SASH1: variants seen among roughly 807,000 people sequenced by gnomAD.
SASH1 encodes the protein SAM and SH3 domain-containing protein 1.
SASH1 carries 44 observed loss-of-function variants against 125.2 expected under a neutral mutation model. The observed-to-expected ratio is 0.35, with a 90% CI of 0.28 to 0.45. The LOEUF (loss-of-function observed/expected upper bound fraction) is 0.45, where lower values mean the gene tolerates loss of function less well. Among genes scored for constraint, SASH1 ranks in the 20% least tolerant of loss-of-function variants. The probability of loss-of-function intolerance (pLI) is 1.00; values close to 1 mark genes in which losing one functional copy is unlikely to be tolerated. For missense variants in SASH1, 1,426 were observed against 1,614.5 expected, an observed-to-expected ratio of 0.88 and a Z score of 2.00; for synonymous variants, 639 against 649.1, an observed-to-expected ratio of 0.98 and a Z score of 0.24.
the SASH1 span, among the ~76,000 whole-genome samples, chr6:148,265,783 C>G: frequency 6.6e-6 from 1 of 152,102 alleles, no homozygotes; most frequent in African/African-American, 2.4e-5. Context: ...GGAACTACTG[C>G]TGTCTCTGGA....
At chr6:148,521,354 G>A (rs976849891) in intron 10 of SASH1, among the ~76,000 whole-genome samples, 11 of 152,198 alleles carry the variant, frequency 7.2e-5, no homozygotes, top group Admixed American at 3.3e-4. Context: ...GGGCCTTCCC[G>A]TTCATGAACA....
At position 148,527,473 on chromosome 6, in the gene SASH1, G is replaced by A. The variant is rs756391544; in HGVS notation, c.1305G>A (p.Val435=). The part of the protein sequence containing the change: ...SDPMGKEGDF[V]YKEVIKSPTA... ...TACAGGGTAAAGAAGGAGACTTTGT[G>A]TACAAAGAAGTCATCAAATCACCTA... The change falls in exon 12 of 20, where the codon GTG becomes GTA. Residue 435 remains valine, a synonymous_variant. Transcript: ENST00000367467. 3.7e-6 allele frequency: 6 copies of A among 1,602,906 alleles called. No individual in the cohort carries two copies. Among genetic ancestry groups the A allele is most frequent in the Non-Finnish European group, 5.1e-6 (6 of 1,176,964 alleles).
intron 1 of SASH1, among the ~76,000 whole-genome samples, chr6:148,308,643 A>T (rs1232957869): frequency 6.6e-6 from 1 of 150,376 alleles, no homozygotes; most frequent in Non-Finnish European, 1.5e-5. Flanking sequence ...TGATCCACCC[A>T]CCTCGGCCTC....
At chr6:148,213,222 T>A in the SASH1 span, among the ~76,000 whole-genome samples, 1 of 152,044 alleles carries the variant, frequency 6.6e-6, no homozygotes, top group Non-Finnish European at 1.5e-5. Flanking sequence ...CTTTAAGCAG[T>A]CTCCAATTCC....
At chr6:148,377,184 C>CA (rs1205507255) in intron 1 of SASH1, among the ~76,000 whole-genome samples, 725 of 38,114 alleles carry the variant, frequency 0.019, 16 homozygotes, top group African/African-American at 0.055. Flanking sequence ...AAAAAAAAAA[C>CA]AAAAAAAAAA....
In SASH1 at chr6:148,527,504, T is replaced by G. The variant is rs745391722; in HGVS notation, c.1336T>G (p.Ser446Ala). 6.2e-7 allele frequency: 1 copy of G among 1,610,478 alleles called. No homozygotes were observed. The highest frequency in any genetic ancestry group is 1.7e-5 in the Admixed American group (1 of 59,170). The change falls in exon 12 of 20, where the codon TCT becomes GCT. Residue 446 changes from serine (S) to alanine (A), a missense_variant. Transcript: ENST00000367467. ...YKEVIKSPTA[S>A]RISLGKKVKS... is the part of the protein sequence containing the mutation. ...AGAAGTCATCAAATCACCTACTGCC[T>G]CTCGCATCTCTCTTGGGAAAAAGGT...
upstream of SASH1, among the ~76,000 whole-genome samples, chr6:148,269,901 C>A (rs2128502108): frequency 6.6e-6 from 1 of 152,270 alleles, no homozygotes. Context: ...TGGAACAGGA[C>A]TTTACTGGTA....
At chr6:148,328,338 C>T (rs1166667265) in intron 1 of SASH1, among the ~76,000 whole-genome samples, 1 of 152,164 alleles carries the variant, frequency 6.6e-6, no homozygotes, top group Non-Finnish European at 1.5e-5. Flanking sequence ...GTGGCTCACG[C>T]CTGTAATCCC....
At chr6:148,540,606 C>A in intron 17 of SASH1, 50 bp downstream of exon 17, 1 of 1,373,094 alleles carries the variant, frequency 7.3e-7, no homozygotes, top group Non-Finnish European at 1.0e-6. Context: ...GTACTGATTT[C>A]AAAGCACAGT....
At chr6:148,446,042 G>A (rs1403583703) in intron 4 of SASH1, among the ~76,000 whole-genome samples, 1 of 149,342 alleles carries the variant, frequency 6.7e-6, no homozygotes, top group East Asian at 2.0e-4. Flanking sequence ...TTAGAGAAGT[G>A]AGCATTTTTA....
intron 7 of SASH1, among the ~76,000 whole-genome samples, chr6:148,475,121 A>C (rs1157968480): frequency 6.6e-6 from 1 of 152,094 alleles, no homozygotes; most frequent in Non-Finnish European, 1.5e-5. Context: ...TGAACAACAA[A>C]CCCATTGATT....
intron 2 of SASH1, among the ~76,000 whole-genome samples, chr6:148,429,990 C>T (rs1489885654): frequency 2.6e-5 from 4 of 152,156 alleles, no homozygotes; most frequent in Admixed American, 1.3e-4. Context: ...GTAGAAGAGT[C>T]GCTACCCATA....
Position 148,520,109 on chromosome 6 carries a change from A to C in SASH1, c.1209+216A>C, listed in dbSNP as rs1780717776. 10 of 552,516 alleles carry C rather than the reference A, an allele frequency of 1.8e-5. No homozygotes were observed. In the South Asian group the frequency reaches 2.3e-4, roughly 13 times the overall value. The allele number at this position is 552,516 out of a possible 1,614,324, so 34.2% of individuals were successfully genotyped here. On this transcript the variant is annotated intron_variant, in intron 10 of 19. Coordinates refer to ENST00000367467, the MANE Select transcript of SASH1 (RefSeq NM_015278.5). ...TGCAGCTGCTCCGGCAGAAAGGCAA[A>C]GGGGGCGGGAGCTGCGGCTTCCCCG...
At chr6:148,527,987 TTGG>T (rs1781286286) in intron 12 of SASH1, among the ~76,000 whole-genome samples, 1 of 79,794 alleles carries the variant, frequency 1.3e-5, no homozygotes, top group Non-Finnish European at 2.5e-5. Context: ...CTTTTTTTTT[TTGG>T]GGGGGGGGGT....
At chr6:148,322,575 G>T (rs539562324) in intron 1 of SASH1, among the ~76,000 whole-genome samples, 1 of 152,142 alleles carries the variant, frequency 6.6e-6, no homozygotes, top group East Asian at 1.9e-4. Context: ...GCAGAGGCTG[G>T]GTAGGGTTAC....
the SASH1 span, among the ~76,000 whole-genome samples, chr6:148,198,890 A>T: frequency 3.3e-4 from 50 of 152,362 alleles, no homozygotes; most frequent in East Asian, 9.6e-3. Context: ...TGCTGAGTAT[A>T]GCTGTCCCCT....
At chr6:148,199,638 G>A in the SASH1 span, among the ~76,000 whole-genome samples, 1 of 150,378 alleles carries the variant, frequency 6.6e-6, no homozygotes, top group Non-Finnish European at 1.5e-5. Flanking sequence ...TTAGAGCTGT[G>A]ATGAACTCTG....
intron 1 of SASH1, among the ~76,000 whole-genome samples, chr6:148,328,066 T>C (rs897415278): frequency 3.3e-5 from 5 of 152,294 alleles, no homozygotes; most frequent in Middle Eastern, 3.4e-3. Flanking sequence ...GGTCTCACTT[T>C]GTTGCCTAGG....
chr6:148,526,618 T>A (rs1055117882), intron 11 of SASH1, among the ~76,000 whole-genome samples: 3 of 152,238 alleles, frequency 2.0e-5, no homozygotes, highest in Admixed American at 6.5e-5. Context: ...GATTTTTTTC[T>A]TTCTCAGGGA....
Sources: gnomAD v4.1 joint callset for allele counts (sites outside exome capture counted in the v4.1 genomes callset) on GRCh38, gnomAD v4.1.1 for gene constraint, MANE v1.5 for transcripts, NCBI Gene and HGNC (gene_info 2026-07-23, HGNC 2026-07-21) for gene names.